The following ITGA8 variants were observed in gnomAD, a reference collection of about 807,000 sequenced individuals.
ITGA8 encodes integrin subunit alpha 8, also known as integrin alpha-8.
ITGA8 carries 91 observed loss-of-function variants against 142.3 expected under a neutral mutation model. The observed-to-expected ratio is 0.64, with a 90% CI of 0.54 to 0.76. The LOEUF (loss-of-function observed/expected upper bound fraction) is 0.76, where lower values mean the gene tolerates loss of function less well. Among genes scored for constraint, ITGA8 ranks in the 30% least tolerant of loss-of-function variants. The pLI is 0.00. For missense variants in ITGA8, 1,406 were observed against 1,327.7 expected (o/e 1.06, Z -0.92); for synonymous variants, 505 against 485.2 (o/e 1.04, Z -0.54).
chr10:15,630,147 C>G (rs1449645317), intron 13 of ITGA8, among the ~76,000 whole-genome samples: 1 of 151,908 alleles, frequency 6.6e-6, no homozygotes, highest in Non-Finnish European at 1.5e-5. Context: ...AGACAGATGC[C>G]AACATTTATT....
chr10:15,517,418 G>A (rs931082415), intron 29 of ITGA8, among the ~76,000 whole-genome samples, 174 bp from the exon 30 acceptor site: 6 of 152,020 alleles, frequency 3.9e-5, no homozygotes, highest in South Asian at 2.1e-4. Flanking sequence ...TCCGCCTCCC[G>A]GTTCAAGCGA....
chr10:15,615,321 G>C (rs1023165799), intron 14 of ITGA8, among the ~76,000 whole-genome samples: 2 of 152,184 alleles, frequency 1.3e-5, no homozygotes, highest in Non-Finnish European at 2.9e-5. Flanking sequence ...GCTGGTACAA[G>C]TCAACCCTCT....
At chr10:15,610,548 C>T (rs1461858396) in intron 15 of ITGA8, among the ~76,000 whole-genome samples, 1 of 152,100 alleles carries the variant, frequency 6.6e-6, no homozygotes, top group Non-Finnish European at 1.5e-5. Flanking sequence ...TACATAAATT[C>T]TAAATTAAAC....
At chr10:15,673,376 C>A (rs1277044141) in intron 6 of ITGA8, among the ~76,000 whole-genome samples, 1 of 152,124 alleles carries the variant, frequency 6.6e-6, no homozygotes, top group Non-Finnish European at 1.5e-5. Flanking sequence ...AGCCACAGCG[C>A]CCGGCCATGA....
At chr10:15,670,797 G>T (rs952551983) in intron 8 of ITGA8, among the ~76,000 whole-genome samples, 1 of 152,048 alleles carries the variant, frequency 6.6e-6, no homozygotes, top group Non-Finnish European at 1.5e-5. Context: ...TCCATGACCC[G>T]TAAAACCGGA....
intron 11 of ITGA8, 126 bp downstream of exon 11, chr10:15,655,228 A>T (rs1374348004): frequency 5.2e-6 from 3 of 572,236 alleles, no homozygotes; most frequent in Middle Eastern, 4.7e-4. Context: ...GAACCAAAAA[A>T]GTTGAGAACA....
chr10:15,562,581 G>C (rs574032845), intron 25 of ITGA8, among the ~76,000 whole-genome samples: 1 of 152,306 alleles, frequency 6.6e-6, no homozygotes, highest in African/African-American at 2.4e-5. Flanking sequence ...ATTTATACCA[G>C]GGAAGAAAAA....
intron 11 of ITGA8, among the ~76,000 whole-genome samples, chr10:15,650,078 A>T (rs1009219894): frequency 1.3e-5 from 2 of 152,230 alleles, no homozygotes; most frequent in Non-Finnish European, 2.9e-5. Flanking sequence ...ATGGTACATC[A>T]TATAATAATA....
chr10:15,539,861 G>T (rs1833532823), intron 27 of ITGA8, among the ~76,000 whole-genome samples: 1 of 152,152 alleles, frequency 6.6e-6, no homozygotes, highest in East Asian at 1.9e-4. Flanking sequence ...ATAATCCCCA[G>T]TGTCAAGGGT....
At chr10:15,705,656 T>C (rs1040683706) in intron 2 of ITGA8, among the ~76,000 whole-genome samples, 1 of 152,208 alleles carries the variant, frequency 6.6e-6, no homozygotes, top group Non-Finnish European at 1.5e-5. Context: ...CTTTAAAAAT[T>C]GCTACACACA....
At chr10:15,669,011 C>G (rs183485270) in intron 8 of ITGA8, among the ~76,000 whole-genome samples, 10 of 152,284 alleles carry the variant, frequency 6.6e-5, no homozygotes, top group African/African-American at 1.9e-4. Flanking sequence ...AGTTACTCTT[C>G]TGGAGGAGTA....
At chr10:15,678,505 A>G (rs974499689) in intron 5 of ITGA8, among the ~76,000 whole-genome samples, 1 of 152,178 alleles carries the variant, frequency 6.6e-6, no homozygotes. Flanking sequence ...TTTCTCTACT[A>G]TTTAATAGGC....
intron 2 of ITGA8, among the ~76,000 whole-genome samples, chr10:15,692,102 T>C (rs1834946489): frequency 6.6e-6 from 1 of 151,852 alleles, no homozygotes; most frequent in South Asian, 2.1e-4. Flanking sequence ...CATGCAGGGC[T>C]TTTTTTTCTT....
At chr10:15,630,496 A>T (rs1833664863) in intron 13 of ITGA8, among the ~76,000 whole-genome samples, 1 of 152,014 alleles carries the variant, frequency 6.6e-6, no homozygotes, top group African/African-American at 2.4e-5. Context: ...ACATTTATCA[A>T]AGAATTGCAC....
chr10:15,548,561 G>T lies in ITGA8; in HGVS notation c.2774C>A (p.Thr925Lys), dbSNP rs201549387. 16 of 1,608,368 alleles carry T rather than the reference G, an allele frequency of 9.9e-6. No homozygotes were observed. Among genetic ancestry groups the T allele is most frequent in the Non-Finnish European group, 1.4e-5 (16 of 1,176,320 alleles). ...GGAGATTTGTAAACACTCGATATTT[G>T]TACAATTCTGCAAACAGCAGTGGGA... ...RQSPAKILNC[T>K]NIECLQISCA... The change falls in exon 27 of 30, where the codon ACA becomes AAA. Residue 925 changes from threonine to lysine, a missense_variant. Physicochemically the swap from Thr to Lys is moderately conservative, Grantham distance 78. Transcript: ENST00000378076.
chr10:15,604,812 A>G (rs1833165469), intron 19 of ITGA8, among the ~76,000 whole-genome samples: 1 of 152,176 alleles, frequency 6.6e-6, no homozygotes, highest in Admixed American at 6.6e-5. Context: ...GAGGTGGTTT[A>G]GAAAGTAAGA....
In ITGA8 at chr10:15,687,987, G is replaced by T. The variant is rs1834863212; in HGVS notation, c.395C>A (p.Ser132Tyr). The change falls in exon 3 of 30, where the codon TCC (serine) becomes TAC (tyrosine). Residue 132 changes from serine to tyrosine, a missense_variant. Coordinates refer to ENST00000378076, the MANE Select transcript of ITGA8 (RefSeq NM_003638.3). ...CACTGTTGCTCCAAACCACTGATTG[G>T]ATTTGAACTCGATAGGTTCTTTGGT... ...NGTKEPIEFKSNQWFGATVKA... is the reference protein window; with the variant it reads ...NGTKEPIEFKYNQWFGATVKA... 2 of 1,613,626 alleles carry T rather than the reference G, an allele frequency of 1.2e-6. No individual in the cohort carries two copies. Among genetic ancestry groups the T allele is most frequent in the Non-Finnish European group, 1.7e-6 (2 of 1,179,732 alleles).
intron 22 of ITGA8, among the ~76,000 whole-genome samples, chr10:15,587,432 C>A (rs1325653204): frequency 6.6e-6 from 1 of 152,138 alleles, no homozygotes; most frequent in Non-Finnish European, 1.5e-5. Context: ...ATAATCGAAA[C>A]AGCATTTGTG....
intron 2 of ITGA8, among the ~76,000 whole-genome samples, chr10:15,694,463 C>A (rs1835008272): frequency 7.7e-6 from 1 of 129,710 alleles, no homozygotes; most frequent in African/African-American, 2.9e-5. Flanking sequence ...ATTTATAATA[C>A]ATCTATTATA....
Sources: gnomAD v4.1 joint callset for allele counts (sites outside exome capture counted in the v4.1 genomes callset) on GRCh38, gnomAD v4.1.1 for gene constraint, MANE v1.5 for transcripts, NCBI Gene and HGNC (gene_info 2026-07-23, HGNC 2026-07-21) for gene names.